ZFHX4: variants seen among roughly 807,000 people sequenced by gnomAD.
ZFHX4 encodes zinc finger homeobox protein 4.
In ZFHX4, 56 loss-of-function variants were observed where a neutral mutation model predicts 267.6. The observed-to-expected ratio is 0.21, with a 90% CI of 0.17 to 0.26. The LOEUF (loss-of-function observed/expected upper bound fraction) is 0.26. Ranked by LOEUF, ZFHX4 falls within the 10% of genes least tolerant of loss-of-function variation. The probability of loss-of-function intolerance (pLI) is 1.00; values close to 1 mark genes in which losing one functional copy is unlikely to be tolerated. For synonymous variants in ZFHX4, 1,778 were observed against 1,665.6 expected, an observed-to-expected ratio of 1.07 and a Z score of -1.64; for missense variants, 4,332 against 4,420.0, an observed-to-expected ratio of 0.98 and a Z score of 0.56.
At chr8:76,757,557 T>A (rs1202870831) in intron 3 of ZFHX4, among the ~76,000 whole-genome samples, 1 of 152,200 alleles carries the variant, frequency 6.6e-6, no homozygotes, top group African/African-American at 2.4e-5. Flanking sequence ...CCCATGGGCA[T>A]GGAAGGTTTA....
intron 1 of ZFHX4, among the ~76,000 whole-genome samples, chr8:76,700,752 G>C (rs1808080743): frequency 6.6e-6 from 1 of 152,156 alleles, no homozygotes; most frequent in Non-Finnish European, 1.5e-5. Context: ...AGACCAGCAG[G>C]TATGTATTGC....
At chr8:76,769,918 T>A (rs1810216600) in intron 3 of ZFHX4, among the ~76,000 whole-genome samples, 1 of 152,198 alleles carries the variant, frequency 6.6e-6, no homozygotes, top group African/African-American at 2.4e-5. Context: ...TACTCATTTG[T>A]GGAATGAAAA....
At position 76,705,910 on chromosome 8, in the gene ZFHX4, T is replaced by A; in HGVS notation, c.1822T>A (p.Ser608Thr). Residue 608 changes from serine (S) to threonine (T), a missense_variant, in exon 2 of 11, where the codon TCA becomes ACA. Physicochemically the swap from Ser to Thr is moderately conservative, Grantham distance 58 (BLOSUM62 1). Around this residue, in one of 7 missense-constraint regions of ZFHX4, gnomAD observed 1,195 missense variants for 1,173.6 expected, o/e 1.02. Transcript: ENST00000651372. ...PGTPGPGGDG[S>T]PGSGIECPKC... Reference sequence around the variant, plus strand: ...CACACCAGGGCCTGGAGGAGACGGCTCACCGGGCAGTGGCATCGAGTGTCC... The same window carrying A: ...CACACCAGGGCCTGGAGGAGACGGCACACCGGGCAGTGGCATCGAGTGTCC... The A allele has an allele frequency of 6.2e-7, 1 of 1,613,444 alleles. No individual in the cohort carries two copies. Among genetic ancestry groups the A allele is most frequent in the African/African-American group, 1.3e-5 (1 of 74,858 alleles).
intron 3 of ZFHX4, among the ~76,000 whole-genome samples, chr8:76,732,172 A>T (rs1393540442): frequency 6.6e-6 from 1 of 152,028 alleles, no homozygotes; most frequent in East Asian, 1.9e-4. Flanking sequence ...AGTAAAATAT[A>T]TGGTAATTTC....
At chr8:76,815,582 G>A (rs1316469245) in intron 4 of ZFHX4, among the ~76,000 whole-genome samples, 1 of 152,002 alleles carries the variant, frequency 6.6e-6, no homozygotes, top group African/African-American at 2.4e-5. Context: ...ACTCACTGTA[G>A]CCTCGAAATC....
rs1808836260 is a variant in ZFHX4, at chr8:76,725,796, G to A, written c.3093+17748G>A. 2.0e-5 allele frequency among the ~76,000 whole-genome samples: 3 copies of A among 152,114 alleles called. No individual in the cohort carries two copies. The South Asian group carries it at 6.2e-4, about 32-fold the overall frequency. ...TCTGTGACCTAAAACATTTTGCACT[G>A]CTATGACAAATATATCATCCTCCTG... On this transcript the variant is annotated intron_variant, in intron 3 of 10. Transcript: ENST00000651372.
At chr8:76,791,414 A>C (rs1810832956) in intron 4 of ZFHX4, among the ~76,000 whole-genome samples, 1 of 152,150 alleles carries the variant, frequency 6.6e-6, no homozygotes, top group Non-Finnish European at 1.5e-5. Context: ...TTATGTTTTA[A>C]GGTAGAAGGT....
At chr8:76,758,309 G>C (rs1809817431) in intron 3 of ZFHX4, among the ~76,000 whole-genome samples, 1 of 152,184 alleles carries the variant, frequency 6.6e-6, no homozygotes, top group East Asian at 1.9e-4. Context: ...AAATTACCAA[G>C]GAGGATAGGG....
At chr8:76,776,654 G>C (rs2131766931) in intron 3 of ZFHX4, among the ~76,000 whole-genome samples, 1 of 152,294 alleles carries the variant, frequency 6.6e-6, no homozygotes, top group East Asian at 1.9e-4. Context: ...TTCAGAATTT[G>C]TTTTTGCAGG....
intron 3 of ZFHX4, among the ~76,000 whole-genome samples, chr8:76,708,883 A>G (rs1808349192): frequency 6.6e-6 from 1 of 152,208 alleles, no homozygotes; most frequent in Admixed American, 6.5e-5. Flanking sequence ...CATTACTATG[A>G]TGAATAACTT....
chr8:76,697,607 T>C (rs1020018304), intron 1 of ZFHX4, among the ~76,000 whole-genome samples: 3 of 152,164 alleles, frequency 2.0e-5, no homozygotes, highest in African/African-American at 4.8e-5. Flanking sequence ...TAAAGCTTCA[T>C]GTTTAGCAGT....
At chr8:76,809,394 C>T (rs1273694659) in intron 4 of ZFHX4, among the ~76,000 whole-genome samples, 5 of 152,138 alleles carry the variant, frequency 3.3e-5, no homozygotes, top group Admixed American at 6.6e-5. Context: ...TTAAGCATAA[C>T]AGCACATAGC....
chr8:76,740,361 G>A (rs1293037763), intron 3 of ZFHX4, among the ~76,000 whole-genome samples: 1 of 151,994 alleles, frequency 6.6e-6, no homozygotes, highest in Non-Finnish European at 1.5e-5. Context: ...TCAGGAAGGA[G>A]GGAGGGAAAG....
At chr8:76,811,818 G>A (rs548706758) in intron 4 of ZFHX4, among the ~76,000 whole-genome samples, 2 of 152,252 alleles carry the variant, frequency 1.3e-5, no homozygotes, top group East Asian at 1.9e-4. Context: ...TAGCTACTCC[G>A]GAGCCTGAGG....
chr8:76,855,976 C>G lies in ZFHX4; in HGVS notation c.9055C>G (p.Arg3019Gly). 2 of 1,613,860 alleles carry G rather than the reference C, an allele frequency of 1.2e-6. No individual in the cohort carries two copies. The highest frequency in any genetic ancestry group is 1.7e-6 in the Non-Finnish European group (2 of 1,179,866). ...CTLCGVKYSA[R>G]LSIRDHIFSK... ...CCTCTGCGGGGTGAAGTACTCTGCC[C>G]GCTTGTCCATCAGAGATCACATTTT... is the stretch of plus-strand genomic sequence containing the variant. Residue 3019 changes from arginine to glycine, a missense_variant, in exon 10 of 11, where the codon CGC becomes GGC. Around this residue, in one of 7 missense-constraint regions of ZFHX4, gnomAD observed 1,648 missense variants for 1,625.0 expected, o/e 1.01. Transcript: ENST00000651372.
chr8:76,849,834 G>C (rs372270898), intron 8 of ZFHX4, 122 bp downstream of exon 8: 1 of 1,117,072 alleles, frequency 9.0e-7, no homozygotes, highest in African/African-American at 1.5e-5. Flanking sequence ...CTCTGTTATT[G>C]CTCGTGTTAT....
At chr8:76,695,402 T>C (rs1807931420) in intron 1 of ZFHX4, among the ~76,000 whole-genome samples, 1 of 152,196 alleles carries the variant, frequency 6.6e-6, no homozygotes. Context: ...TTCAGAAAGA[T>C]AATATTGGAG....
intron 4 of ZFHX4, among the ~76,000 whole-genome samples, chr8:76,783,797 G>A (rs934132271): frequency 2.0e-5 from 3 of 151,914 alleles, no homozygotes; most frequent in East Asian, 1.9e-4. Flanking sequence ...TCTCTAACCC[G>A]GTTCAAATGG....
intron 1 of ZFHX4, among the ~76,000 whole-genome samples, chr8:76,697,988 C>A (rs1808003292): frequency 6.6e-6 from 1 of 152,006 alleles, no homozygotes; most frequent in Admixed American, 6.6e-5. Flanking sequence ...CAAACAACAG[C>A]TTTCTAGTAA....
Sources: allele counts gnomAD v4.1 joint callset (sites outside exome capture counted in the v4.1 genomes callset), GRCh38; gene constraint gnomAD v4.1.1; regional missense constraint gnomAD v4.1.1; transcripts MANE v1.5; gene names NCBI Gene and HGNC (gene_info 2026-07-23, HGNC 2026-07-21).